The following PTPRF variants were observed in gnomAD, a reference collection of about 807,000 sequenced individuals.
PTPRF encodes receptor-type tyrosine-protein phosphatase F.
Under a neutral mutation model 201.8 loss-of-function variants are expected in PTPRF, and 59 were observed. The ratio of observed to expected loss-of-function variants is 0.29; its 90% confidence interval spans 0.24 to 0.36. The LOEUF is 0.36. Among genes scored for constraint, PTPRF ranks in the 10% least tolerant of loss-of-function variants. The pLI, the probability that PTPRF is intolerant of heterozygous loss-of-function variation, is 1.00. For synonymous variants in PTPRF, 1,088 were observed against 1,089.7 expected (o/e 1.00, Z 0.03); for missense variants, 2,132 against 2,690.5 (o/e 0.79, Z 4.59).
At chr1:43,560,116 G>C (rs1645700359) in intron 5 of PTPRF, among the ~76,000 whole-genome samples, 1 of 151,102 alleles carries the variant, frequency 6.6e-6, no homozygotes, top group Non-Finnish European at 1.5e-5. Context: ...GTGTGTGTGT[G>C]TGTGTGTGTA....
intron 6 of PTPRF, among the ~76,000 whole-genome samples, chr1:43,574,954 G>T (rs1036802880): frequency 6.6e-6 from 1 of 152,188 alleles, no homozygotes; most frequent in Non-Finnish European, 1.5e-5. Flanking sequence ...ATTCCTCTAG[G>T]TGCTGTTGTC....
In PTPRF at chr1:43,593,965, G is replaced by A. The variant is rs564444247; in HGVS notation, c.1813+1364G>A. Among the ~76,000 whole-genome samples, 10 of 152,112 alleles carry A rather than the reference G, an allele frequency of 6.6e-5. No individual in the cohort carries two copies. In the East Asian group the frequency reaches 1.8e-3, roughly 27 times the overall value. ...GGTGCCATTGTACTGCAGCCTGGGT[G>A]ACGAGCAAAACTCCGTCTTGAAAAA... is the stretch of plus-strand genomic sequence containing the variant. On this transcript the variant is annotated intron_variant, in intron 11 of 33. Transcript: ENST00000359947.
At position 43,537,030 on chromosome 1, in the gene PTPRF, G is replaced by A. The variant is rs1201758652; in HGVS notation, c.-125-1168G>A. Among the ~76,000 whole-genome samples the A allele has an allele frequency of 1.3e-5, 2 of 152,184 alleles. No individual in the cohort carries two copies. Among genetic ancestry groups the A allele is most frequent in the Non-Finnish European group, 1.5e-5 (1 of 68,036 alleles). ...CTCCCACTGTGGTTTCTTTGTGTCC[G>A]TTATAGGAGGAGCCAAGGTGGCAGA... is the stretch of plus-strand genomic sequence containing the variant. On this transcript the variant is annotated intron_variant, in intron 1 of 33. Transcript: ENST00000359947. This position sits in a 1 kb window ranked among gnomAD's most constrained non-coding sequence, Gnocchi z 4.8.
intron 6 of PTPRF, chr1:43,575,828 C>T: frequency 8.1e-7 from 1 of 1,232,352 alleles, no homozygotes. Flanking sequence ...TTTATTTTAC[C>T]TGATTTGGCT....
Position 43,598,835 on chromosome 1 carries a change from G to C in PTPRF, c.2235G>C (p.Gln745His), listed in dbSNP as rs762860244. ...SKQHGQIRGY[Q>H]VTYVRLENGE... Reference sequence around the variant, plus strand: ...AGCATGGCCAGATCCGCGGCTACCAGGTCACCTACGTGCGGCTGGAGAATG... The same window carrying C: ...AGCATGGCCAGATCCGCGGCTACCACGTCACCTACGTGCGGCTGGAGAATG... Residue 745 changes from glutamine to histidine, a missense_variant, in exon 13 of 34, where the codon CAG becomes CAC. By Grantham distance (24) the Gln-to-His change is conservative (BLOSUM62 0). Around this residue, in one of 6 missense-constraint regions of PTPRF, gnomAD observed 818 missense variants for 915.3 expected, o/e 0.89. Transcript: ENST00000359947. The C allele has an allele frequency of 1.9e-6, 3 of 1,614,206 alleles. No homozygotes were observed. The highest frequency in any genetic ancestry group is 2.2e-5 in the East Asian group (1 of 44,888).
chr1:43,619,586 TG>T lies in PTPRF; in HGVS notation c.4932+16del. 6.2e-7 allele frequency: 1 copy of T among 1,610,706 alleles called. No homozygotes were observed. The highest frequency in any genetic ancestry group is 8.5e-7 in the Non-Finnish European group (1 of 1,177,596). ...GCTCGAGTTCAAGGTGGGGCTCGGG[TG>T]GGCCTGCTTGGCTCCAGGGCCTAGA... On this transcript the variant is annotated intron_variant, in intron 28 of 33. Coordinates refer to ENST00000359947, the MANE Select transcript of PTPRF (RefSeq NM_002840.5).
chr1:43,525,878 G>T (rs1485105917), upstream of PTPRF, among the ~76,000 whole-genome samples: 1 of 151,546 alleles, frequency 6.6e-6, no homozygotes, highest in Admixed American at 6.6e-5. Flanking sequence ...GGGTTGGGGA[G>T]CGAGCAGGAG....
At chr1:43,613,927 G>A (rs1176464172) in intron 23 of PTPRF, among the ~76,000 whole-genome samples, 1 of 152,176 alleles carries the variant, frequency 6.6e-6, no homozygotes, top group Non-Finnish European at 1.5e-5. Flanking sequence ...CACCTTCTTG[G>A]GGTCACCCTT....
intron 5 of PTPRF, among the ~76,000 whole-genome samples, chr1:43,555,157 G>A (rs1645273773): frequency 6.6e-6 from 1 of 151,924 alleles, no homozygotes; most frequent in African/African-American, 2.4e-5. Flanking sequence ...CGGGCCGATT[G>A]TTGCTTTCTT....
At chr1:43,602,155 G>C in intron 14 of PTPRF, 58 bp downstream of exon 14, 1 of 1,552,934 alleles carries the variant, frequency 6.4e-7, no homozygotes, top group East Asian at 2.2e-5. Flanking sequence ...CTCGTGGGAC[G>C]CTCCTCCTCT....
At chr1:43,543,464 G>A (rs780698914) in intron 2 of PTPRF, among the ~76,000 whole-genome samples, 12 of 152,208 alleles carry the variant, frequency 7.9e-5, no homozygotes, top group East Asian at 1.9e-4. Flanking sequence ...ACCCTTCACC[G>A]TTCTTACTTT....
chr1:43,577,616 CTCT>C (rs1383586270), intron 6 of PTPRF, among the ~76,000 whole-genome samples: 2 of 152,232 alleles, frequency 1.3e-5, no homozygotes, highest in Admixed American at 1.3e-4. Flanking sequence ...TGACTTGGAA[CTCT>C]TCCTCTGGCT....
intron 7 of PTPRF, among the ~76,000 whole-genome samples, chr1:43,584,322 G>A (rs1245882895): frequency 6.6e-6 from 1 of 152,226 alleles, no homozygotes; most frequent in African/African-American, 2.4e-5. Flanking sequence ...CTCTGTGAGG[G>A]TGAGGGAGCC....
At chr1:43,532,885 C>G (rs1193820083) in intron 1 of PTPRF, among the ~76,000 whole-genome samples, 1 of 152,132 alleles carries the variant, frequency 6.6e-6, no homozygotes, top group Admixed American at 6.5e-5. Flanking sequence ...TCCACCCCCA[C>G]ACACACTCCC....
rs1273595478 is a variant in PTPRF at position 43,619,273 on chromosome 1, G to T, written c.4647-15G>T. 6.2e-7 allele frequency: 1 copy of T among 1,612,336 alleles called. No individual in the cohort carries two copies. The highest frequency in any genetic ancestry group is 8.5e-7 in the Non-Finnish European group (1 of 1,179,428). On this transcript the variant is annotated splice_polypyrimidine_tract_variant and intron_variant, in intron 27 of 33. Transcript: ENST00000359947. ...TGGGGGCGCCTGTGCCTCAAGCTGAGCCCGTGTCCTGCAGCGCGGGCGTGG... is the reference window on the plus strand; with the variant it reads ...TGGGGGCGCCTGTGCCTCAAGCTGATCCCGTGTCCTGCAGCGCGGGCGTGG...
At chr1:43,613,546 C>T (rs1256579754) in intron 22 of PTPRF, 72 bp from the exon 23 acceptor site, 2 of 1,235,592 alleles carry the variant, frequency 1.6e-6, no homozygotes, top group African/African-American at 2.9e-5. Context: ...CACATACATG[C>T]GTTGGGGCTT....
chr1:43,522,078 G>C (rs1642972336), upstream of PTPRF, among the ~76,000 whole-genome samples: 1 of 152,126 alleles, frequency 6.6e-6, no homozygotes, highest in African/African-American at 2.4e-5. Context: ...CCAAGAACAT[G>C]GCCTGAAATC....
At chr1:43,573,974 GTTCTTTTTTTTTTTTTTTTT>G (rs1646747928) in intron 6 of PTPRF, among the ~76,000 whole-genome samples, 1 of 96,336 alleles carries the variant, frequency 1.0e-5, no homozygotes, top group African/African-American at 3.9e-5. Context: ...GCTTGTGTGG[GTTCTTTTTTTTTTTTTTTTT>G]TTTTTTTTTT....
chr1:43,607,531 C>T (rs1655416354), intron 21 of PTPRF, among the ~76,000 whole-genome samples: 1 of 152,194 alleles, frequency 6.6e-6, no homozygotes, highest in South Asian at 2.1e-4. Flanking sequence ...CACCACCTGC[C>T]CTAGGAGTCT....
Sources: gnomAD v4.1 joint callset for allele counts (sites outside exome capture counted in the v4.1 genomes callset) on GRCh38, gnomAD v4.1.1 for gene constraint, gnomAD v4.1.1 regional missense constraint, Gnocchi (gnomAD v3.1) non-coding constraint, MANE v1.5 for transcripts, NCBI Gene and HGNC (gene_info 2026-07-23, HGNC 2026-07-21) for gene names.